The following RBM20 variants were observed in gnomAD, a reference collection of about 807,000 sequenced individuals.
RBM20 encodes RNA-binding protein 20.
A neutral mutation model predicts 110.1 loss-of-function variants in RBM20; 51 were observed. That is an observed-to-expected ratio of 0.46 (90% confidence interval 0.37 to 0.59). RBM20 has a LOEUF of 0.59. Ranked by LOEUF, RBM20 falls within the 20% of genes least tolerant of loss-of-function variation. RBM20 has a pLI of 0.00. For synonymous variants in RBM20, 589 were observed against 618.2 expected (o/e 0.95, Z 0.70); for missense variants, 1,512 against 1,574.9 (o/e 0.96, Z 0.68).
chr10:110,765,422 C>T (rs1026101911), intron 1 of RBM20, among the ~76,000 whole-genome samples: 3 of 152,044 alleles, frequency 2.0e-5, no homozygotes, highest in African/African-American at 7.3e-5. Flanking sequence ...TTGAGAATAG[C>T]TTCTGAGCAC....
At chr10:110,651,086 G>A (rs1861939827) in intron 1 of RBM20, among the ~76,000 whole-genome samples, 1 of 152,180 alleles carries the variant, frequency 6.6e-6, no homozygotes, top group South Asian at 2.1e-4. Context: ...TCCAGGGATT[G>A]GAAATGATCA....
intron 12 of RBM20, among the ~76,000 whole-genome samples, chr10:110,830,561 G>C (rs1381583246): frequency 6.6e-6 from 1 of 151,900 alleles, no homozygotes; most frequent in Non-Finnish European, 1.5e-5. Context: ...GGATTGGAGT[G>C]ACTCTGGGTG....
chr10:110,773,856 T>C (rs1844225365), intron 1 of RBM20, among the ~76,000 whole-genome samples: 1 of 152,224 alleles, frequency 6.6e-6, no homozygotes, highest in South Asian at 2.1e-4. Flanking sequence ...GACTGTGCTC[T>C]GCCTGATAAG....
At chr10:110,705,771 A>G (rs1862828137) in intron 1 of RBM20, among the ~76,000 whole-genome samples, 1 of 152,242 alleles carries the variant, frequency 6.6e-6, no homozygotes, top group Non-Finnish European at 1.5e-5. Flanking sequence ...GTAGCTTCTC[A>G]TTGACATTGT....
chr10:110,645,450 T>C (rs1369679618), intron 1 of RBM20, among the ~76,000 whole-genome samples: 1 of 152,262 alleles, frequency 6.6e-6, no homozygotes, highest in Non-Finnish European at 1.5e-5. Flanking sequence ...TTACCCAGTT[T>C]GTAATGAAGT....
At chr10:110,745,821 A>G (rs778989682) in intron 1 of RBM20, among the ~76,000 whole-genome samples, 5 of 152,228 alleles carry the variant, frequency 3.3e-5, no homozygotes, top group Non-Finnish European at 5.9e-5. Flanking sequence ...AATGCATGCA[A>G]CAAGCAAGGT....
chr10:110,658,623 G>T (rs1465690052), intron 1 of RBM20, among the ~76,000 whole-genome samples: 1 of 152,066 alleles, frequency 6.6e-6, no homozygotes, highest in African/African-American at 2.4e-5. Context: ...CCTCCTGCTG[G>T]ATTGGGCTCC....
chr10:110,692,589 T>C (rs571380601), intron 1 of RBM20, among the ~76,000 whole-genome samples: 12 of 152,316 alleles, frequency 7.9e-5, no homozygotes, highest in African/African-American at 2.9e-4. Flanking sequence ...GAGTTGATAT[T>C]GTATCCTGCA....
At chr10:110,719,288 G>A (rs575011818) in intron 1 of RBM20, among the ~76,000 whole-genome samples, 2 of 152,360 alleles carry the variant, frequency 1.3e-5, no homozygotes, top group South Asian at 4.1e-4. Flanking sequence ...ACATGAGATT[G>A]TTGTTGCTGT....
intron 1 of RBM20, among the ~76,000 whole-genome samples, chr10:110,659,418 A>T (rs1021692150): frequency 6.6e-6 from 1 of 152,198 alleles, no homozygotes; most frequent in African/African-American, 2.4e-5. Context: ...AGTCAATGAG[A>T]TGACAGGTGA....
At chr10:110,796,174 A>G (rs377709917) in intron 5 of RBM20, among the ~76,000 whole-genome samples, 49 of 152,340 alleles carry the variant, frequency 3.2e-4, no homozygotes, top group African/African-American at 1.1e-3. Context: ...AAGGTTCAGC[A>G]TGTCTCATCT....
At chr10:110,802,220 A>G (rs1342935402) in intron 7 of RBM20, among the ~76,000 whole-genome samples, 2 of 152,220 alleles carry the variant, frequency 1.3e-5, no homozygotes, top group Non-Finnish European at 2.9e-5. Context: ...AAGTTAGAAG[A>G]CAAAGGCTTA....
chr10:110,825,709 A>G (rs1024179907), intron 12 of RBM20, among the ~76,000 whole-genome samples: 3 of 152,210 alleles, frequency 2.0e-5, no homozygotes, highest in Admixed American at 1.3e-4. Context: ...CTGCTGGTGA[A>G]CAGTTAGGCT....
chr10:110,793,182 A>G (rs893826116), intron 5 of RBM20, among the ~76,000 whole-genome samples: 59 of 152,194 alleles, frequency 3.9e-4, no homozygotes, highest in Admixed American at 3.6e-3. Flanking sequence ...TCATGCACCT[A>G]ATCAGCGGCT....
At chr10:110,655,467 C>A (rs1862008937) in intron 1 of RBM20, among the ~76,000 whole-genome samples, 1 of 152,156 alleles carries the variant, frequency 6.6e-6, no homozygotes, top group South Asian at 2.1e-4. Context: ...ATCCTCTCAG[C>A]ATGTGCTAAA....
At chr10:110,717,026 ATTGT>A (rs1490394559) in intron 1 of RBM20, among the ~76,000 whole-genome samples, 2 of 151,442 alleles carry the variant, frequency 1.3e-5, no homozygotes, top group Middle Eastern at 3.2e-3. Flanking sequence ...AGTTTTTTTC[ATTGT>A]TTGTTTGGTT....
At chr10:110,651,605 C>T (rs571453117) in intron 1 of RBM20, among the ~76,000 whole-genome samples, 3 of 152,230 alleles carry the variant, frequency 2.0e-5, no homozygotes, top group African/African-American at 4.8e-5. Flanking sequence ...TTGGTGACAT[C>T]GATGGTTTCA....
At chr10:110,832,056 T>A (rs1188193770) in intron 13 of RBM20, among the ~76,000 whole-genome samples, 3 of 152,246 alleles carry the variant, frequency 2.0e-5, no homozygotes, top group African/African-American at 7.2e-5. Context: ...GATATTAATG[T>A]GTGAAAAAAT....
chr10:110,738,505 G>A (rs753098323), intron 1 of RBM20, among the ~76,000 whole-genome samples: 7 of 152,108 alleles, frequency 4.6e-5, no homozygotes, highest in Non-Finnish European at 1.0e-4. Flanking sequence ...TGTTTCTCAC[G>A]GCCCGAACCC....
Sources: gnomAD v4.1 joint callset for allele counts (sites outside exome capture counted in the v4.1 genomes callset) on GRCh38, gnomAD v4.1.1 for gene constraint, MANE v1.5 for transcripts, NCBI Gene and HGNC (gene_info 2026-07-23, HGNC 2026-07-21) for gene names.